CNTN6: variants seen among roughly 807,000 people sequenced by gnomAD.
CNTN6 encodes contactin-6.
In CNTN6, 137 loss-of-function variants were observed where a neutral mutation model predicts 122.8. The ratio of observed to expected loss-of-function variants is 1.12; its 90% CI spans 0.97 to 1.29. The LOEUF (loss-of-function observed/expected upper bound fraction) is 1.29, where lower values mean the gene tolerates loss of function less well. Among genes scored for constraint, CNTN6 ranks in the 50% most tolerant of loss-of-function variants. The pLI is 0.00. For missense variants in CNTN6, 1,634 were observed against 1,223.4 expected (o/e 1.34, Z -5.01); for synonymous variants, 570 against 426.0 (o/e 1.34, Z -4.16).
intron 2 of CNTN6, among the ~76,000 whole-genome samples, chr3:1,216,506 A>T (rs370126015): frequency 6.6e-6 from 1 of 152,206 alleles, no homozygotes; most frequent in Admixed American, 6.5e-5. Context: ...CACACATTTC[A>T]TTAGGCACTG....
intron 5 of CNTN6, among the ~76,000 whole-genome samples, chr3:1,293,062 T>C (rs568122275): frequency 1.3e-5 from 2 of 152,280 alleles, no homozygotes; most frequent in African/African-American, 4.8e-5. Context: ...GCTCCTGCTG[T>C]TCCTGGTCTC....
intron 2 of CNTN6, among the ~76,000 whole-genome samples, chr3:1,186,443 A>T (rs1035181762): frequency 2.0e-5 from 3 of 152,110 alleles, no homozygotes; most frequent in African/African-American, 7.2e-5. Context: ...TTTCAGGAAA[A>T]AAAAAAATCT....
chr3:1,304,945 C>T (rs997443299), intron 7 of CNTN6, among the ~76,000 whole-genome samples: 4 of 137,724 alleles, frequency 2.9e-5, no homozygotes, highest in Admixed American at 8.3e-5. Flanking sequence ...GAGCTGAGAT[C>T]GTGCTGCTGC....
chr3:1,097,354 A>G (rs1004731665), intron 1 of CNTN6, among the ~76,000 whole-genome samples: 1 of 152,232 alleles, frequency 6.6e-6, no homozygotes, highest in Non-Finnish European at 1.5e-5. Context: ...GAAAACTTAT[A>G]TGTATTAGGT....
chr3:1,242,561 G>C (rs1015157915), intron 4 of CNTN6, among the ~76,000 whole-genome samples: 7 of 152,214 alleles, frequency 4.6e-5, no homozygotes, highest in African/African-American at 1.4e-4. Flanking sequence ...TGGGCGTTGA[G>C]CGGGGTAAGG....
intron 1 of CNTN6, among the ~76,000 whole-genome samples, chr3:1,123,107 A>G (rs146777802): frequency 6.6e-6 from 1 of 151,912 alleles, no homozygotes; most frequent in East Asian, 1.9e-4. Flanking sequence ...TCTTTTTCCA[A>G]GTTATTTTGG....
rs1445682563 is a variant in CNTN6, at chr3:1,295,682, G to A, written c.536G>A (p.Gly179Glu). The A allele has an allele frequency of 1.2e-6, 2 of 1,613,898 alleles. No homozygotes were observed. Among genetic ancestry groups the A allele is most frequent in the Non-Finnish European group, 1.7e-6 (2 of 1,179,944 alleles). ...DNRRFVSQET[G>E]NLYIAKVEPS... is the part of the protein sequence containing the mutation. Reference sequence around the variant, plus strand: ...AGGCGATTTGTATCTCAAGAGACGGGAAACTTGTACATTGCCAAAGTGGAA... The same window carrying A: ...AGGCGATTTGTATCTCAAGAGACGGAAAACTTGTACATTGCCAAAGTGGAA... The change falls in exon 6 of 23, where the codon GGA (glycine) becomes GAA (glutamate). Residue 179 changes from glycine to glutamate, a missense_variant. Coordinates refer to ENST00000446702, the MANE Select transcript of CNTN6 (RefSeq NM_001289080.2).
At chr3:1,236,852 G>A (rs1171941829) in intron 4 of CNTN6, among the ~76,000 whole-genome samples, 3 of 152,166 alleles carry the variant, frequency 2.0e-5, no homozygotes, top group South Asian at 2.1e-4. Flanking sequence ...AGGCTGAGGC[G>A]GGTGGATCAC....
chr3:1,386,710 C>CTGAATCCTGATGAATGAAAG (rs1260481382), intron 20 of CNTN6, among the ~76,000 whole-genome samples: 1 of 151,922 alleles, frequency 6.6e-6, no homozygotes, highest in African/African-American at 2.4e-5. Context: ...TTTTTGCTCT[C>CTGAATCCTGATGAATGAAAG]TGAATCCTGA....
chr3:1,329,425 C>A (rs1479134134), intron 10 of CNTN6, among the ~76,000 whole-genome samples: 3 of 151,634 alleles, frequency 2.0e-5, no homozygotes, highest in Admixed American at 1.3e-4. Flanking sequence ...GTCTAACTTG[C>A]CTCCTCTCTA....
intron 4 of CNTN6, among the ~76,000 whole-genome samples, chr3:1,231,616 T>C (rs10510166): frequency 0.038 from 5,784 of 152,316 alleles, 370 homozygotes; most frequent in African/African-American, 0.13. Context: ...CTACCTGTTG[T>C]GAAACATACT....
chr3:1,330,632 C>A (rs1001600694), intron 11 of CNTN6, among the ~76,000 whole-genome samples: 1 of 151,790 alleles, frequency 6.6e-6, no homozygotes, highest in Admixed American at 6.6e-5. Context: ...ATCAGATATG[C>A]AATTAAATCC....
At chr3:1,238,549 CAAAG>C (rs1205450182) in intron 4 of CNTN6, among the ~76,000 whole-genome samples, 1 of 152,090 alleles carries the variant, frequency 6.6e-6, no homozygotes, top group Admixed American at 6.6e-5. Flanking sequence ...AGAAAGTCAA[CAAAG>C]AAACAATGGA....
chr3:1,347,676 T>G (rs900441262), intron 11 of CNTN6, among the ~76,000 whole-genome samples: 1 of 152,104 alleles, frequency 6.6e-6, no homozygotes, highest in Non-Finnish European at 1.5e-5. Context: ...AGAGAAAATG[T>G]CAAATATTAG....
chr3:1,254,661 A>G (rs1242487346), intron 4 of CNTN6, among the ~76,000 whole-genome samples: 1 of 152,206 alleles, frequency 6.6e-6, no homozygotes, highest in Non-Finnish European at 1.5e-5. Flanking sequence ...TACAGCATAA[A>G]AAATGTAATA....
rs920702139 is a variant in CNTN6 at position 1,150,802 on chromosome 3, A to G, written c.55+2739A>G. 3.2e-4 allele frequency among the ~76,000 whole-genome samples: 49 copies of G among 152,186 alleles called. 1 individual carries two copies. The highest frequency in any genetic ancestry group is 2.9e-5 in the Non-Finnish European group (2 of 68,046). ...TTTTGCAGATGTGATTAAGTTAAAG[A>G]TCTTCAGATGGGGAGATTAAAATAG... On this transcript the variant is annotated intron_variant, in intron 2 of 22. Transcript: ENST00000446702.
At position 1,385,717 on chromosome 3, in the gene CNTN6, A is replaced by G. The variant is rs1370511577; in HGVS notation, c.2624A>G (p.Tyr875Cys). The change falls in exon 20 of 23, where the codon TAC (tyrosine) becomes TGC (cysteine). Residue 875 changes from tyrosine to cysteine, a missense_variant. Tyr to Cys is a radical substitution (Grantham distance 194). Transcript: ENST00000446702. Reference protein sequence around the residue: ...NITGLKANTIYFASVRAYNTA... With the variant: ...NITGLKANTICFASVRAYNTA... ...ACGGGGCTGAAAGCTAATACCATCT[A>G]CTTTGCTTCCGTAAGAGCTTACAAC... 1.2e-6 allele frequency: 2 copies of G among 1,614,110 alleles called. No individual in the cohort carries two copies.
At chr3:1,177,952 G>A (rs1294651835) in intron 2 of CNTN6, among the ~76,000 whole-genome samples, 1 of 148,492 alleles carries the variant, frequency 6.7e-6, no homozygotes, top group East Asian at 2.0e-4. Flanking sequence ...CTAGGCTGGA[G>A]TACAGTGGTG....
chr3:1,162,893 C>G (rs1243785268), intron 2 of CNTN6, among the ~76,000 whole-genome samples: 1 of 152,164 alleles, frequency 6.6e-6, no homozygotes, highest in Admixed American at 6.5e-5. Context: ...TTTACAACGT[C>G]AAAATCACTC....
Sources: allele counts gnomAD v4.1 joint callset (sites outside exome capture counted in the v4.1 genomes callset), GRCh38; gene constraint gnomAD v4.1.1; transcripts MANE v1.5; gene names NCBI Gene and HGNC (gene_info 2026-07-23, HGNC 2026-07-21).